VCAN: variants seen among roughly 807,000 people sequenced by gnomAD.
VCAN encodes the protein versican, also known as versican core protein.
VCAN carries 44 observed loss-of-function variants against 245.5 expected under a neutral mutation model. The observed-to-expected ratio is 0.18, with a 90% CI of 0.14 to 0.23. VCAN has a LOEUF of 0.23. Among genes scored for constraint, VCAN ranks in the 10% least tolerant of loss-of-function variants. The probability of loss-of-function intolerance (pLI) is 1.00; values close to 1 mark genes in which losing one functional copy is unlikely to be tolerated. For missense variants in VCAN, 3,793 were observed against 4,057.9 expected, an observed-to-expected ratio of 0.93 and a Z score of 1.77; for synonymous variants, 1,413 against 1,437.0, an observed-to-expected ratio of 0.98 and a Z score of 0.38.
intron 5 of VCAN, among the ~76,000 whole-genome samples, chr5:83,500,346 G>A (rs2112370078): frequency 6.6e-6 from 1 of 152,272 alleles, no homozygotes; most frequent in South Asian, 2.1e-4. Context: ...CACCTTGCTT[G>A]GAGTTGCTTC....
In VCAN at chr5:83,542,246, A is replaced by C; in HGVS notation, c.9243A>C (p.Glu3081Asp). The change falls in exon 8 of 15, where the codon GAA becomes GAC. Residue 3081 changes from glutamate (E) to aspartate (D), a missense_variant. By Grantham distance (45) the Glu-to-Asp change is conservative. Transcript: ENST00000265077. ...TTGGCATTAATGAAGAGTCAGTGGA[A>C]GGCACGGCAATCTATTTACCAGGTA... ...FLIGINEESV[E>D]GTAIYLPGPD... 6.2e-7 allele frequency: 1 copy of C among 1,613,498 alleles called. No homozygotes were observed. The highest frequency in any genetic ancestry group is 1.3e-5 in the African/African-American group (1 of 75,048).
At position 83,539,831 on chromosome 5, in the gene VCAN, G is replaced by T. The variant is rs771453214; in HGVS notation, c.6828G>T (p.Val2276=). Residue 2276 remains valine (V), a synonymous_variant, in exon 8 of 15, where the codon GTG becomes GTT. Transcript: ENST00000265077. ...CAGAGTCAGTGAATTTTACTGAAGT[G>T]GAACAAATCAATAACACATTATATC... ...LPTESVNFTE[V]EQINNTLYPH... is the part of the protein sequence containing the mutation. 7.4e-6 allele frequency: 12 copies of T among 1,613,948 alleles called. No individual in the cohort carries two copies. In the South Asian group the frequency reaches 1.2e-4, roughly 16 times the overall value.
intron 13 of VCAN, among the ~76,000 whole-genome samples, chr5:83,576,159 G>A (rs1748466962): frequency 6.6e-6 from 1 of 151,874 alleles, no homozygotes; most frequent in Non-Finnish European, 1.5e-5. Flanking sequence ...AGTATCCTGT[G>A]GGTTCCTCTC....
chr5:83,511,969 A>G, intron 5 of VCAN, 134 bp from the exon 6 acceptor site: 1 of 1,082,148 alleles, frequency 9.2e-7, no homozygotes, highest in South Asian at 1.5e-5. Flanking sequence ...TTTCTGCTTT[A>G]AAGTATCAGA....
chr5:83,546,675 C>T (rs1212201873), intron 9 of VCAN, among the ~76,000 whole-genome samples: 4 of 151,968 alleles, frequency 2.6e-5, no homozygotes, highest in African/African-American at 2.4e-5. Context: ...CCCAGAAGGT[C>T]GAGGCTGCAG....
At chr5:83,500,819 A>G (rs1343666284) in intron 5 of VCAN, among the ~76,000 whole-genome samples, 2 of 152,148 alleles carry the variant, frequency 1.3e-5, no homozygotes, top group Admixed American at 6.5e-5. Context: ...TGCATTACAG[A>G]TTGGATTACA....
chr5:83,512,076 G>A (rs1745678429), intron 5 of VCAN, 27 bp from the exon 6 acceptor site: 1 of 1,613,250 alleles, frequency 6.2e-7, no homozygotes, highest in East Asian at 2.2e-5. Context: ...AAAACTTTGG[G>A]CTTTTTTTCC....
In VCAN at chr5:83,538,632, A is replaced by G; in HGVS notation, c.5629A>G (p.Thr1877Ala). Residue 1877 changes from threonine to alanine, a missense_variant, in exon 8 of 15, where the codon ACA becomes GCA. Transcript: ENST00000265077. ...AGTLSPHVET[T>A]FSTEPTGLVL... Reference sequence around the variant, plus strand: ...CACTTTGTCTCCGCATGTGGAAACTACATTCTCCACTGAGCCAACAGGACT... The same window carrying G: ...CACTTTGTCTCCGCATGTGGAAACTGCATTCTCCACTGAGCCAACAGGACT... 4 of 1,614,100 alleles carry G rather than the reference A, an allele frequency of 2.5e-6. No individual in the cohort carries two copies. Among genetic ancestry groups the G allele is most frequent in the Non-Finnish European group, 3.4e-6 (4 of 1,179,966 alleles).
chr5:83,540,116 T>C lies in VCAN; in HGVS notation c.7113T>C (p.Thr2371=), dbSNP rs1324132748. The C allele has an allele frequency of 2.5e-6, 4 of 1,613,848 alleles. No individual in the cohort carries two copies. The African/African-American group carries it at 5.3e-5, about 22-fold the overall frequency. The change falls in exon 8 of 15, where the codon ACT becomes ACC. Residue 2371 remains threonine, a synonymous_variant. Coordinates refer to ENST00000265077, the MANE Select transcript of VCAN (RefSeq NM_004385.5). ...TCAGGTGGGCAGAAGAAATCCAGAC[T>C]AGTAGACCACAAACCATAACTGAAC... ...QTVRWAEEIQ[T]SRPQTITEQD...
At chr5:83,504,458 C>T (rs1745424000) in intron 5 of VCAN, among the ~76,000 whole-genome samples, 1 of 151,250 alleles carries the variant, frequency 6.6e-6, no homozygotes, top group East Asian at 2.0e-4. Flanking sequence ...TCTCAGCTCA[C>T]TGCAACCTCT....
chr5:83,524,176 A>C (rs1260535932), intron 7 of VCAN, among the ~76,000 whole-genome samples: 2 of 152,162 alleles, frequency 1.3e-5, no homozygotes, highest in African/African-American at 2.4e-5. Context: ...AGTCATCAAA[A>C]AAAAAGAACT....
At chr5:83,536,933 C>A in intron 7 of VCAN, 74 bp from the exon 8 acceptor site, 1 of 1,325,540 alleles carries the variant, frequency 7.5e-7, no homozygotes, top group Non-Finnish European at 1.0e-6. Context: ...TGTGACCAGC[C>A]TTGCTATCAA....
intron 12 of VCAN, among the ~76,000 whole-genome samples, chr5:83,565,760 A>G (rs1309401516): frequency 2.0e-5 from 3 of 152,106 alleles, no homozygotes; most frequent in Non-Finnish European, 4.4e-5. Context: ...TTGCTCATAG[A>G]TGAATTTGCT....
intron 5 of VCAN, among the ~76,000 whole-genome samples, chr5:83,500,562 CCTTTGTCAGGCA>C (rs1277827898): frequency 6.6e-6 from 1 of 152,078 alleles, no homozygotes; most frequent in Admixed American, 6.5e-5. Context: ...TCTTATGAAA[CCTTTGTCAGGCA>C]CTTTTTAAAA....
At position 83,521,382 on chromosome 5, in the gene VCAN, A is replaced by G. The variant is rs570423677; in HGVS notation, c.3076A>G (p.Ile1026Val). 6.4e-5 allele frequency: 104 copies of G among 1,614,168 alleles called. 3 individuals carry two copies. In the South Asian group the frequency reaches 1.1e-3, roughly 17 times the overall value. ...ISPETMRTTKITEGTTQEEFP... is the reference protein window; with the variant it reads ...ISPETMRTTKVTEGTTQEEFP... ...TCCAGAAACTATGAGAACAACAAAA[A>G]TCACAGAGGGAACAACTCAGGAAGA... The change falls in exon 7 of 15, where the codon ATC becomes GTC. Residue 1026 changes from isoleucine (I) to valine (V), a missense_variant. Physicochemically the swap from Ile to Val is conservative, Grantham distance 29 (BLOSUM62 3). Transcript: ENST00000265077.
At chr5:83,571,807 G>A (rs552494324) in intron 12 of VCAN, among the ~76,000 whole-genome samples, 1 of 152,212 alleles carries the variant, frequency 6.6e-6, no homozygotes, top group Non-Finnish European at 1.5e-5. Flanking sequence ...AAACAAACTA[G>A]CTTTGAAAGG....
At position 83,580,409 on chromosome 5, in the gene VCAN, G is replaced by C. The variant is rs1254888070; in HGVS notation, c.10166G>C (p.Arg3389Pro). 3.1e-6 allele frequency: 5 copies of C among 1,613,668 alleles called. No individual in the cohort carries two copies. The highest frequency in any genetic ancestry group is 4.2e-6 in the Non-Finnish European group (5 of 1,179,916). Residue 3389 changes from arginine (R) to proline (P), a missense_variant, in exon 15 of 15, where the codon CGG (arginine) becomes CCG (proline). Coordinates refer to ENST00000265077, the MANE Select transcript of VCAN (RefSeq NM_004385.5). The stretch of plus-strand genomic sequence containing the variant: ...TCCAAACATGATCATCGTTGGAGCC[G>C]GAGGTGGCAGGAGTCGAGGCGCTGA... The part of the protein sequence containing the change: ...NTSKHDHRWS[R>P]RWQESRR
At chr5:83,567,394 A>G (rs1245412420) in intron 12 of VCAN, among the ~76,000 whole-genome samples, 2 of 151,914 alleles carry the variant, frequency 1.3e-5, no homozygotes, top group African/African-American at 4.8e-5. Flanking sequence ...TCCACCTCCC[A>G]GGTTCAAGTG....
chr5:83,554,906 C>A, intron 11 of VCAN, 50 bp from the exon 12 acceptor site: 1 of 1,522,130 alleles, frequency 6.6e-7, no homozygotes, highest in Non-Finnish European at 9.1e-7. Flanking sequence ...ATATTTTCAT[C>A]CATATATGGA....
Sources: gnomAD v4.1 joint callset for allele counts (sites outside exome capture counted in the v4.1 genomes callset) on GRCh38, gnomAD v4.1.1 for gene constraint, MANE v1.5 for transcripts, NCBI Gene and HGNC (gene_info 2026-07-23, HGNC 2026-07-21) for gene names.